Variants in IMPG2 observed in about 807,000 individuals in gnomAD.
IMPG2 encodes IPM 200.
IMPG2 carries 91 observed loss-of-function variants against 129.2 expected under a neutral mutation model. That is an observed-to-expected ratio of 0.70 (90% CI 0.59 to 0.84). The LOEUF is 0.84. Ranked by LOEUF, IMPG2 falls within the 40% of genes least tolerant of loss-of-function variation. The pLI is 0.00. For missense variants in IMPG2, 1,430 were observed against 1,461.7 expected, an observed-to-expected ratio of 0.98 and a Z score of 0.35; for synonymous variants, 510 against 517.7, an observed-to-expected ratio of 0.99 and a Z score of 0.20.
chr3:101,238,657 AC>A (rs1356252079), intron 14 of IMPG2, among the ~76,000 whole-genome samples: 1 of 152,326 alleles, frequency 6.6e-6, no homozygotes, highest in African/African-American at 2.4e-5. Flanking sequence ...TCCTTTACAG[AC>A]AAGCAAATGC....
chr3:101,286,977 C>T (rs1203096092), intron 4 of IMPG2, among the ~76,000 whole-genome samples: 2 of 152,160 alleles, frequency 1.3e-5, no homozygotes, highest in African/African-American at 4.8e-5. Context: ...GAATGAGGTG[C>T]ACTGTGATCA....
At chr3:101,287,129 T>G (rs1382236293) in intron 4 of IMPG2, among the ~76,000 whole-genome samples, 2 of 152,124 alleles carry the variant, frequency 1.3e-5, no homozygotes, top group Non-Finnish European at 2.9e-5. Context: ...ACTGTCAGGG[T>G]ATAGTAACAC....
rs1473546178 is a variant in IMPG2 at position 101,225,923 on chromosome 3, G to C, written c.*1046C>G. On this transcript the variant is annotated 3_prime_UTR_variant, in exon 19 of 19. Coordinates refer to ENST00000193391, the MANE Select transcript of IMPG2 (RefSeq NM_016247.4). ...TTAATTGTAATAAAAGCTTTGCCCTGTTTTGTATAAGCAGGAGTTAATTTA... is the reference window on the plus strand; with the variant it reads ...TTAATTGTAATAAAAGCTTTGCCCTCTTTTGTATAAGCAGGAGTTAATTTA... 2 of 154,190 alleles carry C rather than the reference G, an allele frequency of 1.3e-5. No homozygotes were observed. The highest frequency in any genetic ancestry group is 3.9e-4 in the East Asian group (2 of 5,154). 9.6% of individuals were successfully genotyped at this position (154,190 alleles called of 1,614,324 possible).
intron 6 of IMPG2, among the ~76,000 whole-genome samples, chr3:101,274,926 G>T (rs998162569): frequency 6.6e-6 from 1 of 152,136 alleles, no homozygotes; most frequent in Non-Finnish European, 1.5e-5. Context: ...TTCAGTGACA[G>T]GGAGGGTGAT....
At chr3:101,264,200 T>C (rs1018807197) in intron 9 of IMPG2, among the ~76,000 whole-genome samples, 2 of 151,810 alleles carry the variant, frequency 1.3e-5, no homozygotes, top group Non-Finnish European at 2.9e-5. Context: ...CCCAAAAAAT[T>C]AAAGCAGAAA....
At position 101,315,703 on chromosome 3, in the gene IMPG2, T is replaced by C. The variant is rs2058781090; in HGVS notation, c.334+3881A>G. On this transcript the variant is annotated intron_variant, in intron 2 of 18. Coordinates refer to ENST00000193391, the MANE Select transcript of IMPG2 (RefSeq NM_016247.4). ...AAGAAATAGTCAATCTGTATTAAGA[T>C]GGCAATTCTCCCCAAACTGATCTAT... Among the ~76,000 whole-genome samples the C allele has an allele frequency of 2.6e-5, 4 of 152,232 alleles. No individual in the cohort carries two copies. The South Asian group carries it at 8.3e-4, about 32-fold the overall frequency.
At chr3:101,266,006 T>C (rs1706717576) in intron 9 of IMPG2, among the ~76,000 whole-genome samples, 1 of 152,142 alleles carries the variant, frequency 6.6e-6, no homozygotes, top group Middle Eastern at 3.2e-3. Flanking sequence ...TGAAGTATCA[T>C]CTCATGCCAG....
chr3:101,293,864 T>G (rs2107128554), intron 3 of IMPG2, among the ~76,000 whole-genome samples: 1 of 152,344 alleles, frequency 6.6e-6, no homozygotes, highest in East Asian at 1.9e-4. Flanking sequence ...CTTCCAACTA[T>G]TCTTCTGAAG....
intron 15 of IMPG2, among the ~76,000 whole-genome samples, chr3:101,232,224 T>C (rs1156585699): frequency 2.5e-4 from 5 of 20,098 alleles, no homozygotes; most frequent in African/African-American, 8.2e-4. Context: ...AGGATTTTTA[T>C]TTTTTTTTTA....
At chr3:101,292,628 T>TG (rs1707031214) in intron 3 of IMPG2, among the ~76,000 whole-genome samples, 1 of 152,178 alleles carries the variant, frequency 6.6e-6, no homozygotes, top group African/African-American at 2.4e-5. Flanking sequence ...CTGTGGCAAT[T>TG]TCATAAAAAT....
rs1707191416 is a variant in IMPG2, at chr3:101,306,591, T to A, written c.335-2279A>T. On this transcript the variant is annotated intron_variant, in intron 2 of 18. Coordinates refer to ENST00000193391, the MANE Select transcript of IMPG2 (RefSeq NM_016247.4). ...ACAATGCAAAGGTGAAAAGTCTGGG[T>A]CAGTAAAAACTAACAAAAAGTGAAT... Among the ~76,000 whole-genome samples, 3 of 152,248 alleles carry A rather than the reference T, an allele frequency of 2.0e-5. No homozygotes were observed. The Middle Eastern group carries it at 0.01, about 518-fold the overall frequency.
At chr3:101,255,624 T>C (rs1395724932) in intron 10 of IMPG2, among the ~76,000 whole-genome samples, 8 of 152,104 alleles carry the variant, frequency 5.3e-5, no homozygotes, top group Non-Finnish European at 1.0e-4. Context: ...TTTCTCTGTC[T>C]GATCCCAATA....
chr3:101,254,214 AAACTGAGCT>A (rs1706575134), intron 10 of IMPG2, among the ~76,000 whole-genome samples: 1 of 152,174 alleles, frequency 6.6e-6, no homozygotes, highest in Admixed American at 6.6e-5. Flanking sequence ...GTACCTTTGA[AAACTGAGCT>A]AGGACACCAA....
At chr3:101,241,379 CAAG>C (rs1559641871) in intron 14 of IMPG2, among the ~76,000 whole-genome samples, 2 of 152,104 alleles carry the variant, frequency 1.3e-5, no homozygotes. Context: ...GACTTTAAGG[CAAG>C]AAGAAGGTTT....
chr3:101,256,177 G>GA (rs1371997052), intron 10 of IMPG2, among the ~76,000 whole-genome samples: 1 of 139,986 alleles, frequency 7.1e-6, no homozygotes, highest in Non-Finnish European at 1.6e-5. Flanking sequence ...AAGAAAGAAA[G>GA]AAAGAAAGAA....
chr3:101,320,448 CA>C lies in IMPG2; in HGVS notation c.-77del. The C allele has an allele frequency of 1.1e-6, 1 of 892,236 alleles. No individual in the cohort carries two copies. Among genetic ancestry groups the C allele is most frequent in the East Asian group, 2.5e-5 (1 of 39,848 alleles). The allele number at this position is 892,236 out of a possible 1,614,324, so 55.3% of individuals were successfully genotyped here. ...TCCAAATCCTTGAAACTTCCAATAA[CA>C]AAGAGTTATAGGAAAGACCTAACAT... On this transcript the variant is annotated 5_prime_UTR_variant, in exon 1 of 19. It removes the in-frame stop codon of an upstream open reading frame in the 5' UTR. Coordinates refer to ENST00000193391, the MANE Select transcript of IMPG2 (RefSeq NM_016247.4).
rs540609341 is a variant in IMPG2 at position 101,227,944 on chromosome 3, C to A, written c.3713+853G>T. ...TGTTATTGTGACCCTTCATTAATTTCTCTTATAAGCATGCATGAATTGCTC... is the reference window on the plus strand; with the variant it reads ...TGTTATTGTGACCCTTCATTAATTTATCTTATAAGCATGCATGAATTGCTC... On this transcript the variant is annotated intron_variant, in intron 18 of 18. Transcript: ENST00000193391. 1.1e-4 allele frequency: 47 copies of A among 429,258 alleles called. No homozygotes were observed. In the Admixed American group the frequency reaches 1.2e-3, roughly 11 times the overall value. The allele number at this position is 429,258 out of a possible 1,614,324, so 26.6% of individuals were successfully genotyped here.
intron 16 of IMPG2, among the ~76,000 whole-genome samples, chr3:101,229,894 T>C (rs1706267912): frequency 6.6e-6 from 1 of 152,252 alleles, no homozygotes; most frequent in South Asian, 2.1e-4. Flanking sequence ...TGGTGCTTCA[T>C]AAACTGTAGC....
intron 9 of IMPG2, among the ~76,000 whole-genome samples, chr3:101,262,339 T>C (rs780927213): frequency 1.3e-5 from 2 of 152,068 alleles, no homozygotes; most frequent in Non-Finnish European, 2.9e-5. Context: ...AAAAACTTCA[T>C]GTGCATATAA....
Sources: allele counts gnomAD v4.1 joint callset (sites outside exome capture counted in the v4.1 genomes callset), GRCh38; gene constraint gnomAD v4.1.1; transcripts MANE v1.5; gene names NCBI Gene and HGNC (gene_info 2026-07-23, HGNC 2026-07-21).